The following CDH13 variants were observed in gnomAD, a reference collection of about 807,000 sequenced individuals.
CDH13 encodes cadherin-13.
CDH13 carries 24 observed loss-of-function variants against 63.8 expected under a neutral mutation model. The ratio of observed to expected loss-of-function variants is 0.38; its 90% CI spans 0.27 to 0.53. CDH13 has a LOEUF of 0.53. CDH13 is among the 20% of genes least tolerant of loss of function. The probability of loss-of-function intolerance (pLI) is 0.85; values close to 1 mark genes in which losing one functional copy is unlikely to be tolerated. For missense variants in CDH13, 1,049 were observed against 903.1 expected (o/e 1.16, Z -2.07); for synonymous variants, 503 against 355.3 (o/e 1.42, Z -4.67).
intron 2 of CDH13, among the ~76,000 whole-genome samples, chr16:82,953,019 G>A (rs1298880580): frequency 6.6e-6 from 1 of 152,186 alleles, no homozygotes; most frequent in African/African-American, 2.4e-5. Context: ...GCCAGCAAGT[G>A]CCATTTGTTT....
At chr16:83,736,842 G>A (rs779902475) in intron 10 of CDH13, among the ~76,000 whole-genome samples, 4 of 152,172 alleles carry the variant, frequency 2.6e-5, no homozygotes, top group Non-Finnish European at 4.4e-5. Flanking sequence ...TAATGGCCTC[G>A]AACAAGACGC....
At chr16:83,381,981 G>T (rs925175942) in intron 6 of CDH13, among the ~76,000 whole-genome samples, 1 of 152,158 alleles carries the variant, frequency 6.6e-6, no homozygotes, top group African/African-American at 2.4e-5. Flanking sequence ...CTCCACCTCT[G>T]TGGACACAGG....
chr16:83,360,645 T>C (rs1304569803), intron 6 of CDH13, among the ~76,000 whole-genome samples: 2 of 152,192 alleles, frequency 1.3e-5, no homozygotes, highest in Non-Finnish European at 2.9e-5. Context: ...GCGTCTGTTA[T>C]TGCCATTTTT....
At chr16:82,938,481 A>G (rs1033596773) in intron 2 of CDH13, among the ~76,000 whole-genome samples, 1 of 152,188 alleles carries the variant, frequency 6.6e-6, no homozygotes, top group African/African-American at 2.4e-5. Context: ...GAGTGTCTGA[A>G]GTGTAAAGAG....
chr16:82,785,437 C>T (rs1055013499), intron 1 of CDH13, among the ~76,000 whole-genome samples: 3 of 152,198 alleles, frequency 2.0e-5, no homozygotes, highest in African/African-American at 7.2e-5. Context: ...CCTCAATGTG[C>T]ACTTCTGCGG....
At chr16:83,109,293 G>T (rs1246456540) in intron 3 of CDH13, among the ~76,000 whole-genome samples, 4 of 152,210 alleles carry the variant, frequency 2.6e-5, no homozygotes, top group South Asian at 4.1e-4. Flanking sequence ...CGTGAGTGCA[G>T]TATGGTGGGA....
rs145684296 is a variant in CDH13, at chr16:83,068,466, C to T, written c.366+36248C>T. Among the ~76,000 whole-genome samples the T allele has an allele frequency of 6.3e-4, 96 of 152,144 alleles. No individual in the cohort carries two copies. In the East Asian group the frequency reaches 0.014, roughly 23 times the overall value. Reference sequence around the variant, plus strand: ...TTGTGTGATGACGTTCAGGGTTTGGCGAATGTTGAGCAAGCCAATAAGGTA... The same window carrying T: ...TTGTGTGATGACGTTCAGGGTTTGGTGAATGTTGAGCAAGCCAATAAGGTA... On this transcript the variant is annotated intron_variant, in intron 3 of 13. Transcript: ENST00000567109.
At chr16:82,771,478 C>A (rs1025306220) in intron 1 of CDH13, among the ~76,000 whole-genome samples, 1 of 152,160 alleles carries the variant, frequency 6.6e-6, no homozygotes, top group Non-Finnish European at 1.5e-5. Flanking sequence ...TCTATTCTGC[C>A]GTCAGCATTA....
At chr16:83,356,134 T>A (rs2091049265) in intron 6 of CDH13, among the ~76,000 whole-genome samples, 1 of 152,172 alleles carries the variant, frequency 6.6e-6, no homozygotes, top group African/African-American at 2.4e-5. Flanking sequence ...CGTGATGATG[T>A]TGCAAGTAAT....
chr16:83,330,304 C>G (rs755918639), intron 5 of CDH13, among the ~76,000 whole-genome samples: 28 of 152,266 alleles, frequency 1.8e-4, no homozygotes, highest in Non-Finnish European at 3.2e-4. Flanking sequence ...TGATACTGTC[C>G]TATAGTTTTG....
intron 5 of CDH13, among the ~76,000 whole-genome samples, chr16:83,309,178 T>C (rs2089945560): frequency 2.6e-5 from 4 of 152,204 alleles, no homozygotes; most frequent in Admixed American, 2.6e-4. Context: ...TCTGTTTTGT[T>C]TGCAGCGTTA....
chr16:82,870,417 A>G (rs992304257), intron 2 of CDH13, among the ~76,000 whole-genome samples: 1 of 152,140 alleles, frequency 6.6e-6, no homozygotes, highest in East Asian at 1.9e-4. Context: ...ATGGTCCCCA[A>G]AAAACTAAAA....
At chr16:82,907,325 C>G (rs905606448) in intron 2 of CDH13, among the ~76,000 whole-genome samples, 1 of 152,072 alleles carries the variant, frequency 6.6e-6, no homozygotes, top group South Asian at 2.1e-4. Context: ...TCACTAGGCT[C>G]CCGGAAGACT....
chr16:82,836,728 G>C (rs1057085378), intron 1 of CDH13, among the ~76,000 whole-genome samples: 8 of 152,110 alleles, frequency 5.3e-5, no homozygotes, highest in African/African-American at 1.9e-4. Context: ...TGGTACACCT[G>C]GGCTCAGCTT....
intron 4 of CDH13, among the ~76,000 whole-genome samples, chr16:83,209,563 A>AAAAAT (rs1410422970): frequency 6.6e-6 from 1 of 152,192 alleles, no homozygotes; most frequent in Non-Finnish European, 1.5e-5. Flanking sequence ...CCTTATTTTT[A>AAAAAT]ATTTGTGAGT....
intron 7 of CDH13, among the ~76,000 whole-genome samples, chr16:83,509,663 A>T (rs2074509162): frequency 6.6e-6 from 1 of 152,236 alleles, no homozygotes; most frequent in Non-Finnish European, 1.5e-5. Context: ...AAAGGCAAAG[A>T]GTGGGAAACC....
intron 5 of CDH13, among the ~76,000 whole-genome samples, chr16:83,259,442 C>G (rs980622668): frequency 4.6e-5 from 7 of 152,132 alleles, no homozygotes; most frequent in Admixed American, 3.3e-4. Flanking sequence ...ACCCACCTCC[C>G]TTTCTCAGCA....
intron 5 of CDH13, among the ~76,000 whole-genome samples, chr16:83,314,530 A>G (rs959464991): frequency 1.3e-5 from 2 of 152,048 alleles, no homozygotes; most frequent in African/African-American, 2.4e-5. Context: ...TGGAAAGACT[A>G]TTCCCTGAGA....
intron 5 of CDH13, among the ~76,000 whole-genome samples, chr16:83,232,226 T>TC (rs1333044047): frequency 4.3e-5 from 5 of 116,898 alleles, no homozygotes; most frequent in African/African-American, 1.2e-4. Context: ...TTTTTTTTTT[T>TC]TAAAAAAAAA....
Sources: gnomAD v4.1 joint callset for allele counts (sites outside exome capture counted in the v4.1 genomes callset) on GRCh38, gnomAD v4.1.1 for gene constraint, MANE v1.5 for transcripts, NCBI Gene and HGNC (gene_info 2026-07-23, HGNC 2026-07-21) for gene names.